The following MYT1L variants were observed in gnomAD, a reference collection of about 807,000 sequenced individuals.
MYT1L encodes the protein myelin transcription factor 1-like protein.
MYT1L carries 12 observed loss-of-function variants against 126.7 expected under a neutral mutation model. The ratio of observed to expected loss-of-function variants is 0.09; its 90% CI spans 0.06 to 0.15. The LOEUF (loss-of-function observed/expected upper bound fraction) is 0.15. Among genes scored for constraint, MYT1L ranks in the 10% least tolerant of loss-of-function variants. MYT1L has a pLI of 1.00. For synonymous variants in MYT1L, 541 were observed against 604.2 expected (o/e 0.90, Z 1.53); for missense variants, 979 against 1,585.2 (o/e 0.62, Z 6.49).
At chr2:2,012,007 T>C (rs1249302907) in intron 4 of MYT1L, among the ~76,000 whole-genome samples, 1 of 152,198 alleles carries the variant, frequency 6.6e-6, no homozygotes, top group Non-Finnish European at 1.5e-5. Context: ...GCAGTCACTT[T>C]AGAAAACAGT....
intron 1 of MYT1L, among the ~76,000 whole-genome samples, chr2:2,320,988 T>A (rs1183528725): frequency 6.6e-6 from 1 of 152,216 alleles, no homozygotes; most frequent in African/African-American, 2.4e-5. Context: ...ACCATGCCCT[T>A]TTTAATCAAC....
intron 24 of MYT1L, 130 bp from the exon 25 acceptor site, chr2:1,792,137 A>C (rs2032209576): frequency 1.7e-6 from 2 of 1,190,162 alleles, no homozygotes; most frequent in African/African-American, 1.5e-5. Flanking sequence ...CTCAGAGCAC[A>C]CTTAAGTTTC....
rs1363815217 is a variant in MYT1L, at chr2:1,910,490, T to G, written c.1710-143A>C. On this transcript the variant is annotated intron_variant, in intron 12 of 24. Transcript: ENST00000647738. This position sits in a 1 kb window ranked among gnomAD's most constrained non-coding sequence, Gnocchi z 4.8. Reference sequence around the variant, plus strand: ...CCAAACCTGGCACAGGCAGTCCTGATGGGTGGACTGGGAGAGGGGGAGGTA... The same window carrying G: ...CCAAACCTGGCACAGGCAGTCCTGAGGGGTGGACTGGGAGAGGGGGAGGTA... 3.0e-6 allele frequency: 2 copies of G among 675,820 alleles called. No homozygotes were observed. Among genetic ancestry groups the G allele is most frequent in the Non-Finnish European group, 5.2e-6 (2 of 383,546 alleles). The allele number at this position is 675,820 out of a possible 1,614,324, so 41.9% of individuals were successfully genotyped here.
At chr2:2,029,829 T>C (rs2066035725) in intron 4 of MYT1L, among the ~76,000 whole-genome samples, 1 of 152,268 alleles carries the variant, frequency 6.6e-6, no homozygotes. Flanking sequence ...TATCATTCTA[T>C]ATGGACCAAA....
intron 2 of MYT1L, among the ~76,000 whole-genome samples, chr2:2,194,578 G>T (rs986929539): frequency 2.0e-5 from 3 of 152,154 alleles, no homozygotes; most frequent in African/African-American, 7.2e-5. Context: ...ACTTTGAGAG[G>T]CCAGTGGGGA....
intron 9 of MYT1L, among the ~76,000 whole-genome samples, chr2:1,927,011 C>T (rs1421376374): frequency 6.6e-6 from 1 of 152,146 alleles, no homozygotes; most frequent in Non-Finnish European, 1.5e-5. Flanking sequence ...TCTCAGCTCC[C>T]TTTTTTTGGT....
intron 18 of MYT1L, among the ~76,000 whole-genome samples, chr2:1,868,775 T>G (rs1289043155): frequency 6.6e-6 from 1 of 152,004 alleles, no homozygotes; most frequent in Admixed American, 6.5e-5. Flanking sequence ...TCCTCCCCCC[T>G]CCTCCCTGCG....
intron 3 of MYT1L, among the ~76,000 whole-genome samples, chr2:2,099,973 G>A (rs755627394): frequency 3.9e-5 from 6 of 152,140 alleles, no homozygotes; most frequent in Non-Finnish European, 8.8e-5. Context: ...GTGGGAATGG[G>A]CGCCATAGGC....
At chr2:2,129,710 T>A (rs796790431) in intron 3 of MYT1L, among the ~76,000 whole-genome samples, 2 of 152,102 alleles carry the variant, frequency 1.3e-5, no homozygotes, top group Non-Finnish European at 2.9e-5. Flanking sequence ...ATCGAGACCA[T>A]CCTGGCTAAC....
intron 1 of MYT1L, among the ~76,000 whole-genome samples, chr2:2,304,621 A>G (rs1484510140): frequency 1.3e-5 from 2 of 152,166 alleles, no homozygotes; most frequent in African/African-American, 4.8e-5. Flanking sequence ...TGTCTGTATC[A>G]CTGGAAGTCT....
At chr2:2,051,272 C>T (rs1250509425) in intron 4 of MYT1L, among the ~76,000 whole-genome samples, 1 of 152,128 alleles carries the variant, frequency 6.6e-6, no homozygotes, top group African/African-American at 2.4e-5. Flanking sequence ...TTGTATTTTT[C>T]TTCTCTCAAG....
At chr2:1,859,492 A>G (rs1488743454) in intron 18 of MYT1L, among the ~76,000 whole-genome samples, 1 of 152,196 alleles carries the variant, frequency 6.6e-6, no homozygotes, top group African/African-American at 2.4e-5. Flanking sequence ...TGAAACACCA[A>G]AGTTCTGGTT....
In MYT1L at chr2:1,889,641, C is replaced by T. The variant is rs1221116123; in HGVS notation, c.2284-164G>A. 1.3e-5 allele frequency among the ~76,000 whole-genome samples: 2 copies of T among 152,170 alleles called. No homozygotes were observed. Among genetic ancestry groups the T allele is most frequent in the African/African-American group, 4.8e-5 (2 of 41,448 alleles). The stretch of plus-strand genomic sequence containing the variant: ...AACTCCCAAGGCGGACAGGCCTTGT[C>T]TGGTGGTACATTCCTGCTATCCCAC... On this transcript the variant is annotated intron_variant, in intron 15 of 24. Transcript: ENST00000647738. This position sits in a 1 kb window ranked among gnomAD's most constrained non-coding sequence, Gnocchi z 4.1.
intron 2 of MYT1L, among the ~76,000 whole-genome samples, chr2:2,235,411 C>G (rs62116737): frequency 4.5e-4 from 19 of 41,998 alleles, no homozygotes; most frequent in East Asian, 1.4e-3. Context: ...TGGTTGGCAT[C>G]TTCCTCACAG....
At chr2:1,999,332 T>C (rs936645137) in intron 4 of MYT1L, among the ~76,000 whole-genome samples, 1 of 152,164 alleles carries the variant, frequency 6.6e-6, no homozygotes, top group Non-Finnish European at 1.5e-5. Flanking sequence ...TGCCCACCCT[T>C]GACTGAGGGC....
At chr2:2,089,046 T>C (rs1008722093) in intron 3 of MYT1L, among the ~76,000 whole-genome samples, 1 of 152,218 alleles carries the variant, frequency 6.6e-6, no homozygotes, top group Non-Finnish European at 1.5e-5. Context: ...GGGATACTAA[T>C]ACTGTTAGAT....
chr2:2,143,520 G>A (rs2084368994), intron 3 of MYT1L, among the ~76,000 whole-genome samples: 1 of 152,180 alleles, frequency 6.6e-6, no homozygotes, highest in Non-Finnish European at 1.5e-5. Context: ...CTCTCAGGGG[G>A]TAGGAGCCTC....
At chr2:1,860,433 C>A (rs575886860) in intron 18 of MYT1L, among the ~76,000 whole-genome samples, 6 of 152,182 alleles carry the variant, frequency 3.9e-5, no homozygotes, top group South Asian at 4.2e-4. Context: ...TCAAACCACA[C>A]GCTCGGGATG....
chr2:1,808,817 C>T (rs1336550738), intron 22 of MYT1L, among the ~76,000 whole-genome samples: 2 of 152,152 alleles, frequency 1.3e-5, no homozygotes, highest in East Asian at 1.9e-4. Context: ...GGGAGTAAAT[C>T]GTCCAGTGCT....
Sources: allele counts gnomAD v4.1 joint callset (sites outside exome capture counted in the v4.1 genomes callset), GRCh38; gene constraint gnomAD v4.1.1; non-coding constraint Gnocchi (gnomAD v3.1); transcripts MANE v1.5; gene names NCBI Gene and HGNC (gene_info 2026-07-23, HGNC 2026-07-21).